DNAJC5: variants seen among roughly 807,000 people sequenced by gnomAD.
DNAJC5 encodes dnaJ homolog subfamily C member 5.
A neutral mutation model predicts 23.2 loss-of-function variants in DNAJC5; 1 was observed. The observed-to-expected ratio is 0.04, with a 90% CI of 0.02 to 0.20. The LOEUF (loss-of-function observed/expected upper bound fraction) is 0.20. DNAJC5 is among the 10% of genes least tolerant of loss of function. The pLI, the probability that DNAJC5 is intolerant of heterozygous loss-of-function variation, is 1.00. For missense variants in DNAJC5, 180 were observed against 267.0 expected, an observed-to-expected ratio of 0.67 and a Z score of 2.27; for synonymous variants, 136 against 120.0, an observed-to-expected ratio of 1.13 and a Z score of -0.87.
intron 1 of DNAJC5, among the ~76,000 whole-genome samples, chr20:63,912,727 C>T (rs1568979288): frequency 1.3e-5 from 2 of 152,152 alleles, no homozygotes. Context: ...TGTGACTCAG[C>T]CTCACGAGTA....
intron 1 of DNAJC5, among the ~76,000 whole-genome samples, chr20:63,912,228 G>A (rs974412028): frequency 2.6e-5 from 4 of 151,670 alleles, no homozygotes; most frequent in East Asian, 1.9e-4. Flanking sequence ...GCTTGAACCC[G>A]GGAGGCGGAG....
At position 63,929,213 on chromosome 20, in the gene DNAJC5, C is replaced by G; in HGVS notation, c.108-99C>G. 7.1e-7 allele frequency: 1 copy of G among 1,409,104 alleles called. No homozygotes were observed. The highest frequency in any genetic ancestry group is 9.8e-7 in the Non-Finnish European group (1 of 1,018,682). 87.3% of individuals were successfully genotyped at this position (1,409,104 alleles called of 1,614,324 possible). ...GAGGTGGCCTGGGTGGACCTGCCTT[C>G]CACTGCACCCGGCAGTGCGTGCGGG... On this transcript the variant is annotated intron_variant, in intron 2 of 4. Coordinates refer to ENST00000360864, the MANE Select transcript of DNAJC5 (RefSeq NM_025219.3). This position sits in a 1 kb window ranked among gnomAD's most constrained non-coding sequence, Gnocchi z 8.6.
rs1215289420 is a variant in DNAJC5, at chr20:63,933,360, C to G, written c.*1792C>G. The G allele has an allele frequency of 1.3e-5, 2 of 152,248 alleles. No individual in the cohort carries two copies. Among genetic ancestry groups the G allele is most frequent in the Admixed American group, 6.5e-5 (1 of 15,268 alleles). The allele number at this position is 152,248 out of a possible 1,614,324, so 9.4% of individuals were successfully genotyped here. ...TTAGGAACAGGGTGCTGGTTGAGGG[C>G]CCCCAGCTGACCCCTACTGCAGATC... On this transcript the variant is annotated 3_prime_UTR_variant, in exon 5 of 5. Coordinates refer to ENST00000360864, the MANE Select transcript of DNAJC5 (RefSeq NM_025219.3).
At chr20:63,910,677 T>TG (rs368004533) in intron 1 of DNAJC5, among the ~76,000 whole-genome samples, 32 of 151,914 alleles carry the variant, frequency 2.1e-4, no homozygotes, top group African/African-American at 7.7e-4. Flanking sequence ...GAATGTTTTT[T>TG]TTTTTTTTTA....
chr20:63,916,359 G>C (rs1236144509), intron 1 of DNAJC5, among the ~76,000 whole-genome samples: 3 of 152,172 alleles, frequency 2.0e-5, no homozygotes, highest in Non-Finnish European at 4.4e-5. Context: ...TTTACAGCTG[G>C]GCCCCCCGGG....
intron 1 of DNAJC5, among the ~76,000 whole-genome samples, chr20:63,927,713 T>G (rs2053628135): frequency 1.3e-5 from 2 of 152,256 alleles, no homozygotes; most frequent in Non-Finnish European, 2.9e-5. Flanking sequence ...CTTGCATTTT[T>G]ATCCATTCTG....
chr20:63,917,098 A>G (rs2053520028), intron 1 of DNAJC5, among the ~76,000 whole-genome samples: 1 of 152,246 alleles, frequency 6.6e-6, no homozygotes, highest in East Asian at 1.9e-4. Flanking sequence ...AGATTAAAGT[A>G]AGACAGGCTT....
intron 1 of DNAJC5, chr20:63,919,322 G>GT (rs2053543049): frequency 2.0e-6 from 1 of 492,680 alleles, no homozygotes; most frequent in Non-Finnish European, 4.1e-6. Context: ...TCGATGCATC[G>GT]TAACTGTTGA....
At chr20:63,915,017 A>G (rs1284808406) in intron 1 of DNAJC5, among the ~76,000 whole-genome samples, 2 of 152,218 alleles carry the variant, frequency 1.3e-5, no homozygotes, top group Non-Finnish European at 2.9e-5. Flanking sequence ...AGAGCCCCTG[A>G]TAGGCCTCCT....
intron 1 of DNAJC5, among the ~76,000 whole-genome samples, 161 bp downstream of exon 1, chr20:63,895,484 A>G (rs1192253194): frequency 6.9e-6 from 1 of 144,652 alleles, no homozygotes; most frequent in East Asian, 2.0e-4. Context: ...AGCTGCTGCG[A>G]CGCCGCGGCC....
rs1253123589 is a variant in DNAJC5 at position 63,920,730 on chromosome 20, T to G, written c.-11-7605T>G. Among the ~76,000 whole-genome samples, 1 of 152,172 alleles carries G rather than the reference T, an allele frequency of 6.6e-6. No individual in the cohort carries two copies. Among genetic ancestry groups the G allele is most frequent in the Non-Finnish European group, 1.5e-5 (1 of 68,032 alleles). On this transcript the variant is annotated intron_variant, in intron 1 of 4. Coordinates refer to ENST00000360864, the MANE Select transcript of DNAJC5 (RefSeq NM_025219.3). The surrounding 1 kb of genome is among the most constrained non-coding windows in gnomAD (Gnocchi z 4.6). ...TCTGACTCTGTCACCCAGGCTGGAG[T>G]GCAGTGGTGAGATCTCGGCTCACTG...
chr20:63,918,559 C>T (rs1450890320), intron 1 of DNAJC5, among the ~76,000 whole-genome samples: 1 of 152,178 alleles, frequency 6.6e-6, no homozygotes, highest in African/African-American at 2.4e-5. Context: ...GAGACGGGAT[C>T]ATGGTGTTTA....
At chr20:63,898,972 T>C (rs376307694) in intron 1 of DNAJC5, among the ~76,000 whole-genome samples, 29 of 152,326 alleles carry the variant, frequency 1.9e-4, no homozygotes, top group African/African-American at 7.0e-4. Context: ...ACACACCTCC[T>C]GCCCCGCCAT....
rs763178436 is a variant in DNAJC5 at position 63,928,319 on chromosome 20, T to C, written c.-11-16T>C. The C allele has an allele frequency of 2.6e-5, 42 of 1,599,288 alleles. 1 individual carries two copies. The South Asian group carries it at 4.5e-4, about 17-fold the overall frequency. On this transcript the variant is annotated splice_polypyrimidine_tract_variant and intron_variant, in intron 1 of 4. Coordinates refer to ENST00000360864, the MANE Select transcript of DNAJC5 (RefSeq NM_025219.3). This position sits in a 1 kb window ranked among gnomAD's most constrained non-coding sequence, Gnocchi z 4.6. The stretch of plus-strand genomic sequence containing the variant: ...ATCTATACTTTGTGATACTTTCTTT[T>C]TATTTTTTCTTCTAGAATAGCCTAA...
At chr20:63,916,278 G>T (rs1307570399) in intron 1 of DNAJC5, among the ~76,000 whole-genome samples, 1 of 152,208 alleles carries the variant, frequency 6.6e-6, no homozygotes, top group African/African-American at 2.4e-5. Flanking sequence ...ATATTTCAAT[G>T]TAGGTTCTTT....
rs113760090 is a variant in DNAJC5, at chr20:63,909,955, T to C, written c.-12+14632T>C. 2.4e-3 allele frequency among the ~76,000 whole-genome samples: 364 copies of C among 152,328 alleles called. 1 individual carries two copies. Among genetic ancestry groups the C allele is most frequent in the Non-Finnish European group, 4.4e-3 (299 of 68,034 alleles). On this transcript the variant is annotated intron_variant, in intron 1 of 4. Coordinates refer to ENST00000360864, the MANE Select transcript of DNAJC5 (RefSeq NM_025219.3). ...TCTTATGAAGAACACTTGTCTTTCA[T>C]ATTTGGGACTGTGTTAAGGTTTTCT... is the stretch of plus-strand genomic sequence containing the variant.
At chr20:63,907,193 G>T (rs1431144573) in intron 1 of DNAJC5, among the ~76,000 whole-genome samples, 1 of 152,192 alleles carries the variant, frequency 6.6e-6, no homozygotes, top group African/African-American at 2.4e-5. Flanking sequence ...GGACAGAGAA[G>T]AATTACTGCC....
Position 63,902,620 on chromosome 20 carries a change from G to A in DNAJC5, c.-12+7297G>A, listed in dbSNP as rs916152451. ...CAACCTCAGGTGATCCACTCACCTC[G>A]GCCTCCCAAAGTGCTGGGATTACAG... On this transcript the variant is annotated intron_variant, in intron 1 of 4. Coordinates refer to ENST00000360864, the MANE Select transcript of DNAJC5 (RefSeq NM_025219.3). Among the ~76,000 whole-genome samples, 12 of 150,550 alleles carry A rather than the reference G, an allele frequency of 8.0e-5. 1 individual carries two copies. The highest frequency in any genetic ancestry group is 9.8e-5 in the African/African-American group (4 of 40,938).
intron 1 of DNAJC5, among the ~76,000 whole-genome samples, chr20:63,916,321 TAAAG>T (rs1025842066): frequency 2.0e-5 from 3 of 152,048 alleles, no homozygotes; most frequent in Non-Finnish European, 4.4e-5. Context: ...AGCTGAGAAA[TAAAG>T]AGAAAGAGTA....
Sources: allele counts gnomAD v4.1 joint callset (sites outside exome capture counted in the v4.1 genomes callset), GRCh38; gene constraint gnomAD v4.1.1; non-coding constraint Gnocchi (gnomAD v3.1); transcripts MANE v1.5; gene names NCBI Gene and HGNC (gene_info 2026-07-23, HGNC 2026-07-21).